Variants in EIF3H observed in about 807,000 individuals in gnomAD.
The protein encoded by EIF3H is eIF-3-gamma.
Under a neutral mutation model 44.2 loss-of-function variants are expected in EIF3H, and 26 were observed. That is an observed-to-expected ratio of 0.59 (90% CI 0.43 to 0.82). The LOEUF (loss-of-function observed/expected upper bound fraction) is 0.82, where lower values mean the gene tolerates loss of function less well. EIF3H is among the 40% of genes least tolerant of loss of function. The probability of loss-of-function intolerance (pLI) is 0.00; values close to 1 mark genes in which losing one functional copy is unlikely to be tolerated. For synonymous variants in EIF3H, 166 were observed against 151.9 expected, an observed-to-expected ratio of 1.09 and a Z score of -0.68; for missense variants, 359 against 432.8, an observed-to-expected ratio of 0.83 and a Z score of 1.51.
At chr8:116,727,859 CT>C (rs1814876168) in intron 1 of EIF3H, among the ~76,000 whole-genome samples, 1 of 152,076 alleles carries the variant, frequency 6.6e-6, no homozygotes, top group Non-Finnish European at 1.5e-5. Context: ...TTCTAATGAA[CT>C]TTGTTAATGT....
chr8:116,688,168 C>T (rs1814109731), intron 2 of EIF3H, among the ~76,000 whole-genome samples: 1 of 152,076 alleles, frequency 6.6e-6, no homozygotes, highest in Non-Finnish European at 1.5e-5. Context: ...GACAAGCTTA[C>T]CACAAGCTAG....
At chr8:116,708,097 G>A (rs1814501366) in intron 2 of EIF3H, among the ~76,000 whole-genome samples, 1 of 151,720 alleles carries the variant, frequency 6.6e-6, no homozygotes, top group South Asian at 2.1e-4. Flanking sequence ...TCCTTTATCA[G>A]GAAAAACAAA....
At chr8:116,681,605 G>A (rs1212168044) in intron 2 of EIF3H, among the ~76,000 whole-genome samples, 1 of 147,860 alleles carries the variant, frequency 6.8e-6, no homozygotes, top group Non-Finnish European at 1.5e-5. Flanking sequence ...GGTGGAGGTT[G>A]TAGTGAGCCG....
intron 2 of EIF3H, among the ~76,000 whole-genome samples, chr8:116,696,807 G>A (rs772414982): frequency 6.6e-6 from 1 of 152,004 alleles, no homozygotes; most frequent in African/African-American, 2.4e-5. Flanking sequence ...TAAATAATTT[G>A]TAAGGGCAAA....
rs570796789 is a variant in EIF3H at position 116,689,996 on chromosome 8, A to G, written c.290-31016T>C. Among the ~76,000 whole-genome samples, 4 of 152,324 alleles carry G rather than the reference A, an allele frequency of 2.6e-5. No individual in the cohort carries two copies. In the East Asian group the frequency reaches 7.7e-4, roughly 29 times the overall value. ...CATATATAATAACATATTCGTATCT[A>G]TAATAATCCCTATCAGTTTAATACC... On this transcript the variant is annotated intron_variant, in intron 2 of 7. Coordinates refer to ENST00000521861, the MANE Select transcript of EIF3H (RefSeq NM_003756.3).
chr8:116,685,570 G>C (rs1419069895), intron 2 of EIF3H, among the ~76,000 whole-genome samples: 1 of 152,100 alleles, frequency 6.6e-6, no homozygotes, highest in African/African-American at 2.4e-5. Flanking sequence ...GCTGTTGCTT[G>C]TCTGTGATTC....
chr8:116,749,125 TA>T (rs1815286766), intron 1 of EIF3H, among the ~76,000 whole-genome samples: 1 of 152,106 alleles, frequency 6.6e-6, no homozygotes, highest in South Asian at 2.1e-4. Context: ...AAACAAAATT[TA>T]AAAGGTAAGA....
upstream of EIF3H, among the ~76,000 whole-genome samples, chr8:116,757,275 TGAGAGA>T (rs200065010): frequency 8.7e-5 from 13 of 148,872 alleles, no homozygotes; most frequent in Non-Finnish European, 1.5e-4. Context: ...GAGGTACAAC[TGAGAGA>T]GAGAGAGAGA....
chr8:116,755,964 C>G, upstream of EIF3H: 1 of 1,536,336 alleles, frequency 6.5e-7, no homozygotes, highest in East Asian at 2.4e-5. Context: ...TCTTTCCAGG[C>G]GGTATCCTTT....
At chr8:116,704,425 C>A (rs1417087714) in intron 2 of EIF3H, among the ~76,000 whole-genome samples, 2 of 152,200 alleles carry the variant, frequency 1.3e-5, no homozygotes, top group Non-Finnish European at 2.9e-5. Context: ...TGATACCATT[C>A]AAGAGTACTG....
chr8:116,678,204 G>C (rs541124024), intron 2 of EIF3H, among the ~76,000 whole-genome samples: 1 of 151,984 alleles, frequency 6.6e-6, no homozygotes, highest in African/African-American at 2.4e-5. Flanking sequence ...TGTGTTGGCC[G>C]GGCTGGTCTC....
chr8:116,725,919 G>A (rs534705203), intron 2 of EIF3H, 97 bp downstream of exon 2: 1 of 1,394,130 alleles, frequency 7.2e-7, no homozygotes, highest in African/African-American at 1.5e-5. Flanking sequence ...TAGCCTGACA[G>A]ATTCCCAATT....
chr8:116,730,623 T>A (rs1814935861), intron 1 of EIF3H, among the ~76,000 whole-genome samples: 1 of 152,226 alleles, frequency 6.6e-6, no homozygotes, highest in South Asian at 2.1e-4. Context: ...TGTATATATA[T>A]TTCAAAGTTT....
At chr8:116,647,617 C>T (rs1356385316) in intron 6 of EIF3H, among the ~76,000 whole-genome samples, 1 of 152,146 alleles carries the variant, frequency 6.6e-6, no homozygotes, top group Non-Finnish European at 1.5e-5. Context: ...CAGTGAAGCA[C>T]GTAATATCCC....
At chr8:116,654,030 T>G (rs919238594) in intron 5 of EIF3H, among the ~76,000 whole-genome samples, 23 of 152,194 alleles carry the variant, frequency 1.5e-4, no homozygotes, top group African/African-American at 5.3e-4. Flanking sequence ...TGTCAGAAAT[T>G]AAAAATTGAG....
intron 7 of EIF3H, 59 bp from the exon 8 acceptor site, chr8:116,645,162 A>G: frequency 7.6e-7 from 1 of 1,321,732 alleles, no homozygotes; most frequent in Non-Finnish European, 1.1e-6. Context: ...AATGATCCAG[A>G]AAGCTAGTCA....
chr8:116,668,303 T>A (rs1159432594), intron 2 of EIF3H, among the ~76,000 whole-genome samples: 6 of 152,202 alleles, frequency 3.9e-5, no homozygotes, highest in Non-Finnish European at 8.8e-5. Flanking sequence ...ACTCTCCTCC[T>A]AAGGAGAAAG....
intron 2 of EIF3H, among the ~76,000 whole-genome samples, chr8:116,670,757 A>C (rs1006034128): frequency 6.6e-5 from 10 of 152,226 alleles, no homozygotes; most frequent in Non-Finnish European, 1.3e-4. Context: ...TACCTTAGAT[A>C]TAAATAGCTC....
chr8:116,724,900 T>C (rs1211996245), intron 2 of EIF3H, among the ~76,000 whole-genome samples: 1 of 152,076 alleles, frequency 6.6e-6, no homozygotes, highest in African/African-American at 2.4e-5. Context: ...AAATTAAAAA[T>C]AGAATTACCA....
Sources: gnomAD v4.1 joint callset for allele counts (sites outside exome capture counted in the v4.1 genomes callset) on GRCh38, gnomAD v4.1.1 for gene constraint, MANE v1.5 for transcripts, NCBI Gene and HGNC (gene_info 2026-07-23, HGNC 2026-07-21) for gene names.